Variants in BCL11A observed in about 807,000 individuals in gnomAD.
The protein encoded by BCL11A is B cell CLL/lymphoma 11A.
A neutral mutation model predicts 55.9 loss-of-function variants in BCL11A; 2 were observed. That is an observed-to-expected ratio of 0.04 (90% CI 0.01 to 0.11). The LOEUF is 0.11. BCL11A is among the 10% of genes least tolerant of loss of function. BCL11A has a pLI of 1.00. For synonymous variants in BCL11A, 465 were observed against 473.4 expected (o/e 0.98, Z 0.23); for missense variants, 817 against 1,137.1 (o/e 0.72, Z 4.05).
chr2:60,462,443 CCAA>C lies in BCL11A; in HGVS notation c.488-22_488-20del, dbSNP rs770808365. ...TCTTTACCTGCAAAATAATACAACA[CCAA>C]CATCAATGTTTAATCACTGAGGCGG... On this transcript the variant is annotated intron_variant, in intron 3 of 3. Transcript: ENST00000642384. 6.4e-7 allele frequency: 1 copy of C among 1,573,772 alleles called. No individual in the cohort carries two copies. The highest frequency in any genetic ancestry group is 8.6e-7 in the Non-Finnish European group (1 of 1,160,384).
Position 60,462,168 on chromosome 2 carries a change from C to T in BCL11A, c.744G>A (p.Ser248=), listed in dbSNP as rs1572953451. The T allele has an allele frequency of 1.3e-6, 2 of 1,580,368 alleles. No homozygotes were observed. The highest frequency in any genetic ancestry group is 1.7e-6 in the Non-Finnish European group (2 of 1,163,608). The change falls in exon 4 of 4, where the codon TCG becomes TCA. Residue 248 remains serine (S), a synonymous_variant. Transcript: ENST00000642384. The part of the protein sequence containing the change: ...FNLLRIPGSV[S]REASGLAEGR... ...CTTCTGCCAGGCCGGAAGCCTCTCT[C>T]GATACTGATCCTGGTATTCTTAGCA...
chr2:60,467,154 TG>T (rs1411478279), intron 3 of BCL11A, among the ~76,000 whole-genome samples: 4 of 133,402 alleles, frequency 3.0e-5, no homozygotes, highest in African/African-American at 6.9e-5. Flanking sequence ...GTGATGGTGG[TG>T]GTGGTGGTGG....
chr2:60,540,283 T>C (rs1669859960), intron 2 of BCL11A, among the ~76,000 whole-genome samples: 1 of 152,250 alleles, frequency 6.6e-6, no homozygotes, highest in Non-Finnish European at 1.5e-5. Flanking sequence ...AGCTTGATGC[T>C]AAGTGCTTTT....
rs184557786 is a variant in BCL11A, at chr2:60,459,758, C to T, written c.*646G>A. The T allele has an allele frequency of 3.2e-3, 3,312 of 1,040,156 alleles. 6 individuals are homozygous for T. The highest frequency in any genetic ancestry group is 3.5e-3 in the Non-Finnish European group (3,038 of 863,198). 64.4% of individuals were successfully genotyped at this position (1,040,156 alleles called of 1,614,324 possible). A position where few individuals can be genotyped will look rare whatever the true frequency, so the allele number is the denominator to read the frequency against. ...TTGTCAATTCAAGGCCTTTTTTCTT[C>T]CTTTCCAATTGATACATTTAACCCT... On this transcript the variant is annotated 3_prime_UTR_variant, in exon 4 of 4. Transcript: ENST00000642384.
intron 2 of BCL11A, among the ~76,000 whole-genome samples, chr2:60,529,798 G>A (rs547234326): frequency 6.6e-6 from 1 of 152,274 alleles, no homozygotes; most frequent in African/African-American, 2.4e-5. Flanking sequence ...AGTCTATGAT[G>A]GGAAAAATAT....
At chr2:60,480,147 T>C (rs1677871937) in intron 2 of BCL11A, among the ~76,000 whole-genome samples, 1 of 150,702 alleles carries the variant, frequency 6.6e-6, no homozygotes. Context: ...GGGGGGAAGG[T>C]GGGGGTGGAG....
intron 3 of BCL11A, among the ~76,000 whole-genome samples, chr2:60,467,110 AGTG>A (rs1203073598): frequency 1.4e-4 from 10 of 72,428 alleles, no homozygotes; most frequent in Non-Finnish European, 2.1e-4. Flanking sequence ...TGGTGGTGGT[AGTG>A]GTGGTGGTGG....
rs577634232 is a variant in BCL11A at position 60,538,874 on chromosome 2, G to C, written c.385+7097C>G. Reference sequence around the variant, plus strand: ...CACATACTTTTAACGGGAAAAGCTGGAACTGTGGCTATTTAAAATTTTAAA... The same window carrying C: ...CACATACTTTTAACGGGAAAAGCTGCAACTGTGGCTATTTAAAATTTTAAA... On this transcript the variant is annotated intron_variant, in intron 2 of 3. Coordinates refer to ENST00000642384, the MANE Select transcript of BCL11A (RefSeq NM_022893.4). 4.6e-5 allele frequency among the ~76,000 whole-genome samples: 7 copies of C among 151,760 alleles called. No homozygotes were observed. In the South Asian group the frequency reaches 1.5e-3, roughly 32 times the overall value.
intron 2 of BCL11A, among the ~76,000 whole-genome samples, chr2:60,501,657 C>T (rs916426629): frequency 4.0e-5 from 6 of 151,770 alleles, no homozygotes; most frequent in Non-Finnish European, 5.9e-5. Context: ...CAGGCATGTG[C>T]GACCATGCCT....
chr2:60,473,055 A>T (rs939590987), intron 2 of BCL11A, among the ~76,000 whole-genome samples: 1 of 144,902 alleles, frequency 6.9e-6, no homozygotes, highest in Non-Finnish European at 1.6e-5. Flanking sequence ...GTTTGTGAGC[A>T]TGTGCATGTG....
intron 2 of BCL11A, among the ~76,000 whole-genome samples, chr2:60,480,693 C>A (rs913087281): frequency 6.6e-6 from 1 of 152,184 alleles, no homozygotes; most frequent in Non-Finnish European, 1.5e-5. Flanking sequence ...CATTCACTTT[C>A]CAAATGCTGT....
rs112158614 is a variant in BCL11A at position 60,466,863 on chromosome 2, CT to C, written c.487+1868del. On this transcript the variant is annotated intron_variant, in intron 3 of 3. Coordinates refer to ENST00000642384, the MANE Select transcript of BCL11A (RefSeq NM_022893.4). ...CACACTTCTTTTCTTCTTGAACCTGCTTTTTTGTGTTTAGGGTGGAATCACT... is the reference window on the plus strand; with the variant it reads ...CACACTTCTTTTCTTCTTGAACCTGCTTTTTGTGTTTAGGGTGGAATCACT... Among the ~76,000 whole-genome samples the C allele has an allele frequency of 2.5e-3, 376 of 152,036 alleles. 1 individual carries two copies. Among genetic ancestry groups the C allele is most frequent in the African/African-American group, 7.8e-3 (325 of 41,450 alleles).
chr2:60,534,355 C>G (rs1382884296), intron 2 of BCL11A: 1 of 152,204 alleles, frequency 6.6e-6, no homozygotes. Flanking sequence ...TGCCAGCCAT[C>G]TATCTAAAGA....
At position 60,457,347 on chromosome 2, in the gene BCL11A, T is replaced by A. The variant is rs909051686; in HGVS notation, c.*3057A>T. 1 of 1,021,990 alleles carries A rather than the reference T, an allele frequency of 9.8e-7. No homozygotes were observed. The highest frequency in any genetic ancestry group is 6.3e-5 in the East Asian group (1 of 15,972). The allele number at this position is 1,021,990 out of a possible 1,614,324, so 63.3% of individuals were successfully genotyped here. A position where few individuals can be genotyped will look rare whatever the true frequency, so the allele number is the denominator to read the frequency against. ...AATACAATAAAAAGCCAGGTTGTAA[T>A]GACCTTTGGTCATCTAAATAAAAAA... On this transcript the variant is annotated 3_prime_UTR_variant, in exon 4 of 4. Transcript: ENST00000642384.
chr2:60,461,466 G>T lies in BCL11A; in HGVS notation c.1446C>A (p.Asn482Lys). ...SENDPNLIPE[N>K]GDEEEEEDDE... ...CGTCCTCCTCTTCCTCCTCGTCCCCGTTCTCCGGGATCAGGTTGGGGTCGT... is the reference window on the plus strand; with the variant it reads ...CGTCCTCCTCTTCCTCCTCGTCCCCTTTCTCCGGGATCAGGTTGGGGTCGT... The change falls in exon 4 of 4, where the codon AAC (asparagine) becomes AAA (lysine). Residue 482 changes from asparagine (N) to lysine (K), a missense_variant. Around this residue, in one of 4 missense-constraint regions of BCL11A, gnomAD observed 379 missense variants for 425.3 expected, o/e 0.89. Coordinates refer to ENST00000642384, the MANE Select transcript of BCL11A (RefSeq NM_022893.4). 1 of 1,604,306 alleles carries T rather than the reference G, an allele frequency of 6.2e-7. No homozygotes were observed. The highest frequency in any genetic ancestry group is 8.5e-7 in the Non-Finnish European group (1 of 1,179,600).
intron 2 of BCL11A, among the ~76,000 whole-genome samples, chr2:60,524,002 A>G (rs1243739913): frequency 2.0e-5 from 3 of 152,060 alleles, no homozygotes; most frequent in Non-Finnish European, 2.9e-5. Flanking sequence ...TCCCATAAAT[A>G]CCTCTCCATT....
intron 2 of BCL11A, among the ~76,000 whole-genome samples, chr2:60,470,090 C>T (rs926818113): frequency 1.3e-5 from 2 of 152,064 alleles, no homozygotes; most frequent in Non-Finnish European, 1.5e-5. Flanking sequence ...GATTTCCTTT[C>T]GCAAGGAGCC....
intron 1 of BCL11A, among the ~76,000 whole-genome samples, chr2:60,552,825 C>T (rs1670476867): frequency 1.3e-5 from 2 of 152,086 alleles, no homozygotes; most frequent in African/African-American, 2.4e-5. Context: ...CCAGCTCCCA[C>T]CCCCAGGTTT....
chr2:60,452,277 G>A, downstream of BCL11A: 1 of 297,982 alleles, frequency 3.4e-6, no homozygotes, highest in Non-Finnish European at 6.3e-6. Context: ...AATTAGGTTG[G>A]CTGGTTTCAG....
Sources: allele counts gnomAD v4.1 joint callset (sites outside exome capture counted in the v4.1 genomes callset), GRCh38; gene constraint gnomAD v4.1.1; regional missense constraint gnomAD v4.1.1; transcripts MANE v1.5; gene names NCBI Gene and HGNC (gene_info 2026-07-23, HGNC 2026-07-21).